PPP1R9A: variants seen among roughly 807,000 people sequenced by gnomAD.
The protein encoded by PPP1R9A is protein phosphatase 1 regulatory subunit 9A.
In PPP1R9A, 59 loss-of-function variants were observed where a neutral mutation model predicts 141.9. That is an observed-to-expected ratio of 0.42 (90% CI 0.34 to 0.52). The LOEUF (loss-of-function observed/expected upper bound fraction) is 0.52, where lower values mean the gene tolerates loss of function less well. Ranked by LOEUF, PPP1R9A falls within the 20% of genes least tolerant of loss-of-function variation. PPP1R9A has a pLI of 0.10. For synonymous variants in PPP1R9A, 500 were observed against 569.7 expected (o/e 0.88, Z 1.74); for missense variants, 1,444 against 1,611.9 (o/e 0.90, Z 1.78).
At chr7:94,984,465 GT>G (rs575271904) in intron 2 of PPP1R9A, among the ~76,000 whole-genome samples, 8 of 151,980 alleles carry the variant, frequency 5.3e-5, no homozygotes, top group South Asian at 4.2e-4. Flanking sequence ...TGGTCTCGGA[GT>G]TTTTTTGGTT....
At chr7:95,133,256 G>A (rs546394467) in intron 4 of PPP1R9A, among the ~76,000 whole-genome samples, 2 of 152,008 alleles carry the variant, frequency 1.3e-5, no homozygotes, top group Admixed American at 6.6e-5. Context: ...TTCCAGTCAC[G>A]GGCTCTATGG....
chr7:95,219,784 A>G lies in PPP1R9A; in HGVS notation c.1957-6177A>G, dbSNP rs115812027. Among the ~76,000 whole-genome samples the G allele has an allele frequency of 1.0e-2, 1,515 of 152,188 alleles. 37 individuals carry two copies. The highest frequency in any genetic ancestry group is 0.035 in the African/African-American group (1,463 of 41,542). ...GGTATCTTTTACACCATTTTATAGA[A>G]GAGACCACAAAAGATACAAACTAAA... On this transcript the variant is annotated intron_variant, in intron 7 of 19. Transcript: ENST00000433360.
rs555941609 is a variant in PPP1R9A, at chr7:94,943,350, G to C, written c.1395+31842G>C. ...CACATCAGTTAGAATGTAAACAAAG[G>C]CTTTCTGAAATTTCTTCCTGTAAAC... On this transcript the variant is annotated intron_variant, in intron 2 of 19. Transcript: ENST00000433360. Among the ~76,000 whole-genome samples, 6 of 152,244 alleles carry C rather than the reference G, an allele frequency of 3.9e-5. No individual in the cohort carries two copies. In the South Asian group the frequency reaches 1.0e-3, roughly 26 times the overall value.
chr7:95,285,956 C>T (rs1367720538), intron 17 of PPP1R9A, among the ~76,000 whole-genome samples: 1 of 152,136 alleles, frequency 6.6e-6, no homozygotes, highest in Non-Finnish European at 1.5e-5. Flanking sequence ...ATTCTGTACC[C>T]TTGAAGAGCA....
At chr7:94,956,393 T>C (rs560151181) in intron 2 of PPP1R9A, among the ~76,000 whole-genome samples, 1 of 152,328 alleles carries the variant, frequency 6.6e-6, no homozygotes, top group Admixed American at 6.5e-5. Context: ...TTCTTAACTT[T>C]ATTCATGTTG....
chr7:94,991,116 C>T (rs890302762), intron 2 of PPP1R9A, among the ~76,000 whole-genome samples: 1 of 152,148 alleles, frequency 6.6e-6, no homozygotes, highest in African/African-American at 2.4e-5. Flanking sequence ...CCATACTGTT[C>T]TTCATAGTGG....
At chr7:95,267,518 A>G (rs1801482914) in intron 12 of PPP1R9A, among the ~76,000 whole-genome samples, 1 of 152,130 alleles carries the variant, frequency 6.6e-6, no homozygotes, top group Admixed American at 6.6e-5. Flanking sequence ...ATATCCAGGT[A>G]TGTTAATGGG....
intron 4 of PPP1R9A, among the ~76,000 whole-genome samples, chr7:95,124,208 G>T (rs1385667433): frequency 6.6e-6 from 1 of 151,908 alleles, no homozygotes; most frequent in Non-Finnish European, 1.5e-5. Flanking sequence ...CTATTTAAAA[G>T]GTATCAACAT....
At chr7:95,096,071 A>G (rs1187288107) in intron 2 of PPP1R9A, among the ~76,000 whole-genome samples, 1 of 152,094 alleles carries the variant, frequency 6.6e-6, no homozygotes, top group African/African-American at 2.4e-5. Context: ...AAATTGTGCA[A>G]CCTTTGTTTT....
chr7:95,146,040 G>A (rs937307208), intron 4 of PPP1R9A, among the ~76,000 whole-genome samples: 25 of 152,086 alleles, frequency 1.6e-4, no homozygotes, highest in Non-Finnish European at 1.3e-4. Flanking sequence ...AGGTCAAATG[G>A]CATTTCTAGT....
intron 2 of PPP1R9A, among the ~76,000 whole-genome samples, chr7:95,087,928 A>G (rs1364974418): frequency 2.0e-5 from 3 of 151,738 alleles, no homozygotes; most frequent in Admixed American, 6.6e-5. Flanking sequence ...AAAAAAAGGA[A>G]TCATGAAAGG....
At chr7:95,262,186 C>T (rs1800533962) in intron 12 of PPP1R9A, among the ~76,000 whole-genome samples, 1 of 152,154 alleles carries the variant, frequency 6.6e-6, no homozygotes, top group South Asian at 2.1e-4. Flanking sequence ...GTCAAAGACA[C>T]TACAATATCA....
chr7:95,217,282 G>A (rs147848232), intron 7 of PPP1R9A, among the ~76,000 whole-genome samples: 8 of 152,130 alleles, frequency 5.3e-5, no homozygotes, highest in African/African-American at 7.2e-5. Flanking sequence ...ATTGATTTGC[G>A]TGTGAGGAAC....
intron 2 of PPP1R9A, chr7:95,018,367 G>A (rs1197923561): frequency 4.0e-5 from 8 of 199,428 alleles, no homozygotes; most frequent in Non-Finnish European, 5.6e-5. Context: ...TCTGGGATAT[G>A]TTTCTTGTGT....
At chr7:95,272,193 T>A (rs1802310032) in intron 14 of PPP1R9A, among the ~76,000 whole-genome samples, 1 of 152,214 alleles carries the variant, frequency 6.6e-6, no homozygotes, top group Non-Finnish European at 1.5e-5. Flanking sequence ...CATTGTAACA[T>A]CTCCCAGCTA....
chr7:95,065,062 T>A (rs1170886520), intron 2 of PPP1R9A, among the ~76,000 whole-genome samples: 1 of 152,096 alleles, frequency 6.6e-6, no homozygotes, highest in Non-Finnish European at 1.5e-5. Flanking sequence ...GTTTTTATTT[T>A]TTATTTATTT....
At chr7:95,034,552 C>A (rs764451634) in intron 2 of PPP1R9A, among the ~76,000 whole-genome samples, 64 of 152,014 alleles carry the variant, frequency 4.2e-4, no homozygotes, top group Non-Finnish European at 1.3e-4. Context: ...AGGGTTTCAC[C>A]ACGTTGGTCC....
intron 8 of PPP1R9A, among the ~76,000 whole-genome samples, chr7:95,237,167 A>G (rs770567837): frequency 3.3e-4 from 45 of 137,840 alleles, no homozygotes; most frequent in African/African-American, 3.1e-4. Context: ...GTGTATGTGT[A>G]TATATATATA....
chr7:95,031,306 G>T (rs964592498), intron 2 of PPP1R9A, among the ~76,000 whole-genome samples: 1 of 152,152 alleles, frequency 6.6e-6, no homozygotes, highest in African/African-American at 2.4e-5. Flanking sequence ...TTTTAGGAAG[G>T]TATACAGAAA....
Sources: allele counts gnomAD v4.1 joint callset (sites outside exome capture counted in the v4.1 genomes callset), GRCh38; gene constraint gnomAD v4.1.1; transcripts MANE v1.5; gene names NCBI Gene and HGNC (gene_info 2026-07-23, HGNC 2026-07-21).